Variants in DDX10 observed in about 807,000 individuals in gnomAD.
The protein encoded by DDX10 is DEAD-box helicase 10.
Under a neutral mutation model 104.3 loss-of-function variants are expected in DDX10, and 74 were observed. The observed-to-expected ratio is 0.71, with a 90% confidence interval of 0.59 to 0.86. DDX10 has a LOEUF of 0.86. DDX10 is among the 40% of genes least tolerant of loss of function. The probability of loss-of-function intolerance (pLI) is 0.00; values close to 1 mark genes in which losing one functional copy is unlikely to be tolerated. For missense variants in DDX10, 952 were observed against 1,040.0 expected (o/e 0.92, Z 1.16); for synonymous variants, 351 against 353.4 (o/e 0.99, Z 0.08).
chr11:108,838,811 T>G (rs1004018753), intron 14 of DDX10, among the ~76,000 whole-genome samples: 1 of 152,246 alleles, frequency 6.6e-6, no homozygotes, highest in Admixed American at 6.5e-5. Flanking sequence ...CTTTCTAGAT[T>G]ATGTTTTTAT....
At chr11:108,666,040 C>T (rs572326441) in intron 1 of DDX10, among the ~76,000 whole-genome samples, 38 of 152,318 alleles carry the variant, frequency 2.5e-4, no homozygotes, top group African/African-American at 9.1e-4. Context: ...ACTTTGACCT[C>T]CTGACTTCTT....
chr11:108,771,890 T>C (rs1168990147), intron 13 of DDX10, among the ~76,000 whole-genome samples: 1 of 152,236 alleles, frequency 6.6e-6, no homozygotes, highest in Non-Finnish European at 1.5e-5. Flanking sequence ...TGTCTGATGT[T>C]GATGTTCTTC....
chr11:108,884,178 T>G (rs1266339956), intron 16 of DDX10, among the ~76,000 whole-genome samples: 1 of 152,204 alleles, frequency 6.6e-6, no homozygotes. Context: ...TTATCACAAC[T>G]AGACAAATTT....
In DDX10 at chr11:108,838,493, T is replaced by G. The variant is rs144033715; in HGVS notation, c.2013T>G (p.Val671=). ...GCATCAAGAAAAAAATGACCAAAGT[T>G]GCAGAAGCAAAAAAAGTAATGAAGA... The part of the protein sequence containing the change: ...KSSIKKKMTK[V]AEAKKVMKRN... Residue 671 remains valine (V), a synonymous_variant, in exon 14 of 18, where the codon GTT becomes GTG. Coordinates refer to ENST00000322536, the MANE Select transcript of DDX10 (RefSeq NM_004398.4). 767 of 1,612,870 alleles carry G rather than the reference T, an allele frequency of 4.8e-4. 1 individual carries two copies. The African/African-American group carries it at 8.7e-3, about 18-fold the overall frequency.
At chr11:108,795,091 G>T (rs1861922205) in intron 13 of DDX10, among the ~76,000 whole-genome samples, 1 of 152,078 alleles carries the variant, frequency 6.6e-6, no homozygotes, top group Non-Finnish European at 1.5e-5. Flanking sequence ...GCCTGCCAAA[G>T]TGCTAGGATT....
intron 13 of DDX10, among the ~76,000 whole-genome samples, chr11:108,782,985 A>T (rs969834546): frequency 2.6e-5 from 4 of 152,170 alleles, no homozygotes; most frequent in Non-Finnish European, 1.5e-5. Context: ...TTTGTCTGGA[A>T]TATCTTTTCT....
intron 17 of DDX10, 29 bp downstream of exon 17, chr11:108,918,047 ATACT>A (rs759412103): frequency 1.3e-6 from 2 of 1,593,314 alleles, no homozygotes; most frequent in Admixed American, 1.7e-5. Context: ...TATGAAATAC[ATACT>A]TAGTACTCTC....
At chr11:108,821,801 A>G (rs530757667) in intron 13 of DDX10, among the ~76,000 whole-genome samples, 2 of 152,318 alleles carry the variant, frequency 1.3e-5, no homozygotes, top group East Asian at 3.9e-4. Flanking sequence ...CCTTTCAGTA[A>G]GTAAAAGGAA....
intron 17 of DDX10, chr11:108,919,230 T>C (rs1863791740): frequency 6.6e-6 from 1 of 152,210 alleles, no homozygotes; most frequent in East Asian, 1.9e-4. Context: ...ATATGAGCTT[T>C]ATATAGTATG....
At chr11:108,863,610 AT>A (rs1314244050) in intron 16 of DDX10, among the ~76,000 whole-genome samples, 7 of 152,194 alleles carry the variant, frequency 4.6e-5, no homozygotes, top group Non-Finnish European at 1.0e-4. Flanking sequence ...CTTCAGCCTC[AT>A]TTAATTGCTT....
At chr11:108,936,246 C>T (rs988497464) in intron 17 of DDX10, among the ~76,000 whole-genome samples, 4 of 152,128 alleles carry the variant, frequency 2.6e-5, no homozygotes, top group African/African-American at 7.2e-5. Flanking sequence ...TTGTATGATA[C>T]GTCCTTTCAG....
At chr11:108,672,029 C>T (rs1048024749) in intron 1 of DDX10, among the ~76,000 whole-genome samples, 1 of 142,614 alleles carries the variant, frequency 7.0e-6, no homozygotes, top group Non-Finnish European at 1.5e-5. Context: ...CCACTGCACT[C>T]CAGCCTGGGC....
At chr11:108,687,662 T>A (rs1338884275) in intron 6 of DDX10, among the ~76,000 whole-genome samples, 2 of 152,248 alleles carry the variant, frequency 1.3e-5, no homozygotes, top group African/African-American at 2.4e-5. Flanking sequence ...AAGAGTTGTT[T>A]GTATATTTTG....
intron 13 of DDX10, among the ~76,000 whole-genome samples, chr11:108,753,253 CTTGG>C (rs1406972171): frequency 6.6e-6 from 1 of 152,050 alleles, no homozygotes; most frequent in Non-Finnish European, 1.5e-5. Context: ...AATGCTTATC[CTTGG>C]TTGGATAAAA....
At chr11:108,735,793 G>C (rs1200816888) in intron 13 of DDX10, among the ~76,000 whole-genome samples, 3 of 152,048 alleles carry the variant, frequency 2.0e-5, no homozygotes, top group Non-Finnish European at 4.4e-5. Context: ...TGAGAGCTAG[G>C]CACTCTAGGG....
At chr11:108,787,555 A>G (rs1342992880) in intron 13 of DDX10, among the ~76,000 whole-genome samples, 1 of 150,948 alleles carries the variant, frequency 6.6e-6, no homozygotes, top group Non-Finnish European at 1.5e-5. Flanking sequence ...ATTCTTTTTT[A>G]TTTTTGTCTG....
intron 13 of DDX10, among the ~76,000 whole-genome samples, chr11:108,823,104 GTAA>G (rs1862348488): frequency 6.6e-6 from 1 of 152,126 alleles, no homozygotes; most frequent in South Asian, 2.1e-4. Flanking sequence ...TCCAAGTTCT[GTAA>G]TAATTCCAGT....
At chr11:108,672,511 A>C (rs2094218463) in intron 1 of DDX10, among the ~76,000 whole-genome samples, 1 of 152,232 alleles carries the variant, frequency 6.6e-6, no homozygotes, top group Non-Finnish European at 1.5e-5. Context: ...GGATTAAGAC[A>C]ATGTTTTAAT....
intron 13 of DDX10, among the ~76,000 whole-genome samples, chr11:108,812,395 A>AT (rs372259369): frequency 6.6e-6 from 1 of 151,922 alleles, no homozygotes; most frequent in African/African-American, 2.4e-5. Context: ...TTCGTTCTGA[A>AT]TTTTTTTTAA....
Sources: allele counts gnomAD v4.1 joint callset (sites outside exome capture counted in the v4.1 genomes callset), GRCh38; gene constraint gnomAD v4.1.1; transcripts MANE v1.5; gene names NCBI Gene and HGNC (gene_info 2026-07-23, HGNC 2026-07-21).